ERC2: variants seen among roughly 807,000 people sequenced by gnomAD.
The protein encoded by ERC2 is ERC protein 2.
In ERC2, 42 loss-of-function variants were observed where a neutral mutation model predicts 114.8. The observed-to-expected ratio is 0.37, with a 90% CI of 0.29 to 0.47. The LOEUF is 0.47. Among genes scored for constraint, ERC2 ranks in the 20% least tolerant of loss-of-function variants. The pLI is 0.99. For synonymous variants in ERC2, 454 were observed against 425.5 expected, an observed-to-expected ratio of 1.07 and a Z score of -0.82; for missense variants, 939 against 1,150.7, an observed-to-expected ratio of 0.82 and a Z score of 2.66.
chr3:56,371,158 G>A (rs1560691518), intron 2 of ERC2, among the ~76,000 whole-genome samples: 2 of 152,150 alleles, frequency 1.3e-5, no homozygotes, highest in East Asian at 3.8e-4. Flanking sequence ...AGAAAGGACT[G>A]AAAGACCAAA....
At chr3:56,026,615 T>C (rs188729359) in intron 7 of ERC2, among the ~76,000 whole-genome samples, 3 of 152,198 alleles carry the variant, frequency 2.0e-5, no homozygotes, top group Admixed American at 2.0e-4. Context: ...AGCTTTCTTT[T>C]TGACATTTTA....
intron 3 of ERC2, among the ~76,000 whole-genome samples, chr3:56,185,382 C>T (rs775010930): frequency 6.6e-6 from 1 of 152,214 alleles, no homozygotes; most frequent in Non-Finnish European, 1.5e-5. Flanking sequence ...TATCCTATGC[C>T]TCTACCACCA....
At chr3:55,773,936 T>C (rs1177346708) in intron 14 of ERC2, among the ~76,000 whole-genome samples, 4 of 152,210 alleles carry the variant, frequency 2.6e-5, no homozygotes, top group African/African-American at 9.7e-5. Context: ...ATTCTTGTCA[T>C]TTTATTCTCT....
At chr3:56,399,194 C>G (rs1305219829) in intron 2 of ERC2, among the ~76,000 whole-genome samples, 1 of 152,232 alleles carries the variant, frequency 6.6e-6, no homozygotes, top group Non-Finnish European at 1.5e-5. Flanking sequence ...AACAAACCAG[C>G]CACTCTACAG....
intron 17 of ERC2, among the ~76,000 whole-genome samples, chr3:55,557,601 T>G (rs1316392199): frequency 6.6e-6 from 1 of 152,256 alleles, no homozygotes; most frequent in Non-Finnish European, 1.5e-5. Context: ...AACAGCTCAG[T>G]TGGCACTCTC....
At chr3:56,170,796 G>T (rs1465864801) in intron 4 of ERC2, among the ~76,000 whole-genome samples, 1 of 134,530 alleles carries the variant, frequency 7.4e-6, no homozygotes, top group Non-Finnish European at 1.5e-5. Flanking sequence ...ACAGAGTCTC[G>T]CTCTGTCCTC....
intron 17 of ERC2, among the ~76,000 whole-genome samples, chr3:55,588,544 C>A (rs1205393447): frequency 6.6e-6 from 1 of 152,146 alleles, no homozygotes; most frequent in African/African-American, 2.4e-5. Flanking sequence ...GAATCAATTC[C>A]AGAAAAACCC....
intron 9 of ERC2, 31 bp downstream of exon 9, chr3:56,010,418 C>T: frequency 6.2e-7 from 1 of 1,608,182 alleles, no homozygotes; most frequent in Non-Finnish European, 8.5e-7. Context: ...TGAGGACTAT[C>T]AATGTGGTTC....
At chr3:55,604,106 T>C (rs2058538498) in intron 17 of ERC2, among the ~76,000 whole-genome samples, 1 of 152,224 alleles carries the variant, frequency 6.6e-6, no homozygotes. Flanking sequence ...ATTTCCTTAA[T>C]GATTCAACAA....
intron 3 of ERC2, among the ~76,000 whole-genome samples, chr3:56,230,069 T>C (rs1452584614): frequency 1.3e-5 from 2 of 151,926 alleles, no homozygotes; most frequent in Non-Finnish European, 2.9e-5. Context: ...TTTCACCATA[T>C]TGGCCAGGCT....
intron 17 of ERC2, among the ~76,000 whole-genome samples, chr3:55,535,679 A>G (rs996664203): frequency 6.6e-6 from 1 of 152,130 alleles, no homozygotes; most frequent in Non-Finnish European, 1.5e-5. Flanking sequence ...CCCCCATCCT[A>G]TGTGGACCTT....
intron 5 of ERC2, among the ~76,000 whole-genome samples, chr3:56,144,164 C>T (rs1387239134): frequency 6.6e-6 from 1 of 152,204 alleles, no homozygotes; most frequent in Non-Finnish European, 1.5e-5. Context: ...CAAGTGAGCA[C>T]TGCTCAGATA....
At chr3:55,729,371 A>G (rs1485747156) in intron 15 of ERC2, among the ~76,000 whole-genome samples, 2 of 151,980 alleles carry the variant, frequency 1.3e-5, no homozygotes, top group Non-Finnish European at 2.9e-5. Context: ...CCTTGCTCCA[A>G]TGTCTCCTTC....
Position 55,540,112 on chromosome 3 carries a change from G to A in ERC2, c.*40-28836C>T, listed in dbSNP as rs148219858. Among the ~76,000 whole-genome samples, 410 of 152,220 alleles carry A rather than the reference G, an allele frequency of 2.7e-3. 2 individuals are homozygous for A. Among genetic ancestry groups the A allele is most frequent in the Non-Finnish European group, 2.6e-3 (175 of 68,016 alleles). ...TCTTGGGAGATAAGGATCCTGGATC[G>A]CTGCATTTCCAGGCTAATGCCTGTG... On this transcript the variant is annotated intron_variant, in intron 17 of 17. Coordinates refer to ENST00000288221, the MANE Select transcript of ERC2 (RefSeq NM_015576.3).
chr3:55,981,915 G>T (rs1489062337), intron 12 of ERC2, among the ~76,000 whole-genome samples: 1 of 152,160 alleles, frequency 6.6e-6, no homozygotes, highest in Middle Eastern at 3.2e-3. Flanking sequence ...GCATTAAAGA[G>T]CATGACTGCC....
intron 7 of ERC2, among the ~76,000 whole-genome samples, chr3:56,028,445 T>C (rs546575834): frequency 1.3e-5 from 2 of 152,268 alleles, no homozygotes; most frequent in East Asian, 1.9e-4. Flanking sequence ...ACAATACTTA[T>C]CTAAGTTTGT....
chr3:56,277,849 G>A (rs1398930883), intron 3 of ERC2, among the ~76,000 whole-genome samples: 1 of 152,022 alleles, frequency 6.6e-6, no homozygotes, highest in Non-Finnish European at 1.5e-5. Context: ...TGCCCCTTGG[G>A]AAGCCCTTGT....
At chr3:56,023,871 C>T (rs536808668) in intron 7 of ERC2, among the ~76,000 whole-genome samples, 22 of 151,034 alleles carry the variant, frequency 1.5e-4, no homozygotes, top group South Asian at 2.1e-4. Flanking sequence ...CGGCTGAGTC[C>T]CTTCAGCTCC....
At chr3:55,543,776 G>C (rs2054558521) in intron 17 of ERC2, among the ~76,000 whole-genome samples, 1 of 152,116 alleles carries the variant, frequency 6.6e-6, no homozygotes, top group South Asian at 2.1e-4. Flanking sequence ...TGTGCCATTT[G>C]CTTCTCTCTA....
Sources: gnomAD v4.1 joint callset for allele counts (sites outside exome capture counted in the v4.1 genomes callset) on GRCh38, gnomAD v4.1.1 for gene constraint, MANE v1.5 for transcripts, NCBI Gene and HGNC (gene_info 2026-07-23, HGNC 2026-07-21) for gene names.